ERC2: variants seen among roughly 807,000 people sequenced by gnomAD.
The protein encoded by ERC2 is ERC protein 2.
A neutral mutation model predicts 114.8 loss-of-function variants in ERC2; 42 were observed. The observed-to-expected ratio is 0.37, with a 90% CI of 0.29 to 0.47. The LOEUF is 0.47. Among genes scored for constraint, ERC2 ranks in the 20% least tolerant of loss-of-function variants. The pLI, the probability that ERC2 is intolerant of heterozygous loss-of-function variation, is 0.99. For missense variants in ERC2, 939 were observed against 1,150.7 expected (o/e 0.82, Z 2.66); for synonymous variants, 454 against 425.5 (o/e 1.07, Z -0.82).
intron 1 of ERC2, among the ~76,000 whole-genome samples, chr3:56,447,931 T>A (rs2062654518): frequency 6.6e-6 from 1 of 151,994 alleles, no homozygotes; most frequent in South Asian, 2.1e-4. Context: ...TTAGTACAGA[T>A]GGGGCTTTGA....
At chr3:55,558,579 G>A (rs987827405) in intron 17 of ERC2, among the ~76,000 whole-genome samples, 1 of 152,224 alleles carries the variant, frequency 6.6e-6, no homozygotes, top group Non-Finnish European at 1.5e-5. Context: ...GCAATGCTCT[G>A]AAGTTAACAG....
chr3:55,619,561 A>C (rs2059249145), intron 17 of ERC2, among the ~76,000 whole-genome samples: 1 of 152,240 alleles, frequency 6.6e-6, no homozygotes, highest in Non-Finnish European at 1.5e-5. Context: ...ATGAAAGTGC[A>C]GTGAAACGTA....
intron 17 of ERC2, among the ~76,000 whole-genome samples, chr3:55,531,190 G>A (rs1431579096): frequency 6.6e-6 from 1 of 152,132 alleles, no homozygotes; most frequent in African/African-American, 2.4e-5. Flanking sequence ...TAGGGGCCTT[G>A]GCCTGCTACT....
chr3:55,965,144 A>G (rs1163653078), intron 12 of ERC2, among the ~76,000 whole-genome samples: 2 of 152,148 alleles, frequency 1.3e-5, no homozygotes, highest in Admixed American at 6.5e-5. Context: ...ACCTGCCCAC[A>G]CTCAAGTGGA....
At chr3:56,425,010 C>G (rs553496114) in intron 2 of ERC2, among the ~76,000 whole-genome samples, 21 of 152,250 alleles carry the variant, frequency 1.4e-4, no homozygotes, top group African/African-American at 3.9e-4. Flanking sequence ...GACTGATAAG[C>G]CCTTAAAACA....
intron 14 of ERC2, among the ~76,000 whole-genome samples, chr3:55,751,779 C>T (rs1479969812): frequency 6.6e-6 from 1 of 152,132 alleles, no homozygotes; most frequent in Non-Finnish European, 1.5e-5. Flanking sequence ...AGTGTTGGTA[C>T]AAACAACAGA....
At chr3:55,608,639 C>G (rs141519140) in intron 17 of ERC2, among the ~76,000 whole-genome samples, 131 of 152,278 alleles carry the variant, frequency 8.6e-4, no homozygotes, top group Non-Finnish European at 1.3e-3. Flanking sequence ...ATGAGAAATT[C>G]GAAGACACCT....
intron 17 of ERC2, among the ~76,000 whole-genome samples, chr3:55,512,750 C>T (rs2052180724): frequency 6.6e-6 from 1 of 152,156 alleles, no homozygotes; most frequent in Admixed American, 6.5e-5. Flanking sequence ...AGGCAGAATA[C>T]AATGCCCCAC....
At chr3:55,735,597 T>A (rs1245807171) in intron 14 of ERC2, among the ~76,000 whole-genome samples, 1 of 152,218 alleles carries the variant, frequency 6.6e-6, no homozygotes, top group African/African-American at 2.4e-5. Flanking sequence ...ATGATCCTCA[T>A]GATCTAAGCA....
chr3:56,320,308 T>G (rs2057069859), intron 2 of ERC2, among the ~76,000 whole-genome samples: 2 of 152,156 alleles, frequency 1.3e-5, no homozygotes, highest in South Asian at 2.1e-4. Flanking sequence ...ACAACATAGC[T>G]TGAAAGGGCT....
At chr3:55,960,999 T>G (rs535898308) in intron 12 of ERC2, among the ~76,000 whole-genome samples, 1 of 152,340 alleles carries the variant, frequency 6.6e-6, no homozygotes, top group Non-Finnish European at 1.5e-5. Context: ...CCAGGTGTGG[T>G]GGCAGGCACC....
chr3:56,226,199 G>A (rs1040504937), intron 3 of ERC2, among the ~76,000 whole-genome samples: 18 of 152,026 alleles, frequency 1.2e-4, no homozygotes, highest in African/African-American at 4.1e-4. Flanking sequence ...ATGAGCAATC[G>A]AGTCTCATTT....
intron 2 of ERC2, among the ~76,000 whole-genome samples, chr3:56,350,398 A>G (rs1046908064): frequency 6.6e-6 from 1 of 152,222 alleles, no homozygotes; most frequent in African/African-American, 2.4e-5. Flanking sequence ...ATAGTAGGCC[A>G]TGCCTAAAGA....
rs1167014393 is a variant in ERC2, at chr3:55,508,656, A to G, written c.*2660T>C. The G allele has an allele frequency of 6.6e-6, 1 of 152,652 alleles. No individual in the cohort carries two copies. The highest frequency in any genetic ancestry group is 1.9e-4 in the East Asian group (1 of 5,200). 9.5% of individuals were successfully genotyped at this position (152,652 alleles called of 1,614,324 possible). The stretch of plus-strand genomic sequence containing the variant: ...TTCAATCGCCACTCTACACAAAAAC[A>G]TTGCAGATAGAGCTTACGTCAACAC... On this transcript the variant is annotated 3_prime_UTR_variant, in exon 18 of 18. Coordinates refer to ENST00000288221, the MANE Select transcript of ERC2 (RefSeq NM_015576.3).
intron 2 of ERC2, among the ~76,000 whole-genome samples, chr3:56,374,813 C>A (rs1018317030): frequency 6.6e-6 from 1 of 152,154 alleles, no homozygotes; most frequent in African/African-American, 2.4e-5. Context: ...AGGCTACAAC[C>A]ACCAACACAA....
intron 3 of ERC2, among the ~76,000 whole-genome samples, chr3:56,295,539 A>C (rs985936139): frequency 6.6e-6 from 1 of 152,066 alleles, no homozygotes. Flanking sequence ...AACCCTAAAC[A>C]CTCAAAATTG....
At chr3:55,536,360 C>T (rs2053999284) in intron 17 of ERC2, among the ~76,000 whole-genome samples, 1 of 152,164 alleles carries the variant, frequency 6.6e-6, no homozygotes, top group Non-Finnish European at 1.5e-5. Context: ...CGTACCTCCC[C>T]AACCCTGAGA....
intron 12 of ERC2, among the ~76,000 whole-genome samples, chr3:55,972,323 A>T (rs1284752859): frequency 6.6e-6 from 1 of 152,186 alleles, no homozygotes; most frequent in East Asian, 1.9e-4. Context: ...GGTTTGTTGC[A>T]CAGGTATACA....
chr3:56,292,245 A>T (rs1384188763), intron 3 of ERC2, among the ~76,000 whole-genome samples: 1 of 152,050 alleles, frequency 6.6e-6, no homozygotes, highest in African/African-American at 2.4e-5. Flanking sequence ...ACAGCCCACA[A>T]AATGGCTGTT....
Sources: gnomAD v4.1 joint callset for allele counts (sites outside exome capture counted in the v4.1 genomes callset) on GRCh38, gnomAD v4.1.1 for gene constraint, MANE v1.5 for transcripts, NCBI Gene and HGNC (gene_info 2026-07-23, HGNC 2026-07-21) for gene names.